Variants in DGKK observed in about 807,000 individuals in gnomAD.
DGKK encodes the protein 142 kDa diacylglycerol kinase.
Under a neutral mutation model 92.2 loss-of-function variants are expected in DGKK, and 35 were observed. That is an observed-to-expected ratio of 0.38 (90% confidence interval 0.29 to 0.50). The LOEUF (loss-of-function observed/expected upper bound fraction) is 0.50, where lower values mean the gene tolerates loss of function less well. Among genes scored for constraint, DGKK ranks in the 20% least tolerant of loss-of-function variants. DGKK has a pLI of 0.92. For synonymous variants in DGKK, 368 were observed against 360.6 expected, an observed-to-expected ratio of 1.02 and a Z score of -0.23; for missense variants, 910 against 992.2, an observed-to-expected ratio of 0.92 and a Z score of 1.11.
chrX:50,447,312 ATG>A (rs782634589), intron 1 of DGKK, among the ~76,000 whole-genome samples: 53 of 38,923 alleles, frequency 1.4e-3, no homozygotes, highest in Non-Finnish European at 2.0e-3. Context: ...GAGAAGTAGT[ATG>A]TGTGTGTGTA....
chrX:50,407,500 AAGAGAG>A (rs782138606), intron 4 of DGKK, among the ~76,000 whole-genome samples: 1 of 108,846 alleles, frequency 9.2e-6, no homozygotes, highest in Non-Finnish European at 1.9e-5. Context: ...AGAAGAAAGA[AAGAGAG>A]AGAGAGAGAG....
intron 1 of DGKK, among the ~76,000 whole-genome samples, chrX:50,446,119 C>T (rs782653749): frequency 9.9e-5 from 11 of 110,957 alleles, no homozygotes; most frequent in Admixed American, 4.8e-4. Flanking sequence ...AGTGGTTTTT[C>T]TAGATTGATT....
At chrX:50,435,544 CT>C (rs1460777270) in intron 1 of DGKK, among the ~76,000 whole-genome samples, 1 of 111,926 alleles carries the variant, frequency 8.9e-6, no homozygotes, top group Non-Finnish European at 1.9e-5. Flanking sequence ...TTGGTTTTTA[CT>C]TTTTCTCAGT....
chrX:50,420,630 A>G lies in DGKK; in HGVS notation c.838-123T>C, dbSNP rs1318781482. 7 of 538,530 alleles carry G rather than the reference A, an allele frequency of 1.3e-5. No homozygotes were observed. The Admixed American group carries it at 1.9e-4, about 14-fold the overall frequency. 44.4% of individuals were successfully genotyped at this position (538,530 alleles called of 1,213,427 possible). A position where few individuals can be genotyped will look rare whatever the true frequency, so the allele number is the denominator to read the frequency against. On this transcript the variant is annotated intron_variant, in intron 3 of 27. Transcript: ENST00000611977. Reference sequence around the variant, plus strand: ...GCACAACATAAGCCACTTCTTGAATATAAGACAGACATTCCCAGAACCACT... The same window carrying G: ...GCACAACATAAGCCACTTCTTGAATGTAAGACAGACATTCCCAGAACCACT...
intron 1 of DGKK, among the ~76,000 whole-genome samples, chrX:50,437,025 T>A (rs1926046092): frequency 9.0e-6 from 1 of 111,540 alleles, no homozygotes; most frequent in Non-Finnish European, 1.9e-5. Context: ...GAAAGTAATA[T>A]GACGCTGGAC....
At chrX:50,379,140 G>A (rs1360092340) in intron 20 of DGKK, among the ~76,000 whole-genome samples, 1 of 111,017 alleles carries the variant, frequency 9.0e-6, no homozygotes, top group Non-Finnish European at 1.9e-5. Context: ...GGTCAACATG[G>A]CGAAACCCTG....
intron 8 of DGKK, among the ~76,000 whole-genome samples, chrX:50,395,770 A>AT (rs199870111): frequency 4.3e-5 from 4 of 93,872 alleles, no homozygotes; most frequent in Admixed American, 3.7e-4. Flanking sequence ...CTATGTTAAC[A>AT]TTTTTTTTTC....
At chrX:50,463,336 C>T (rs1557233602) in intron 1 of DGKK, among the ~76,000 whole-genome samples, 1 of 67,600 alleles carries the variant, frequency 1.5e-5, no homozygotes, top group East Asian at 5.4e-4. Flanking sequence ...TCCCTCTCCT[C>T]CCTTCTCTCC....
intron 25 of DGKK, 105 bp from the exon 26 acceptor site, chrX:50,371,939 G>C (rs931110300): frequency 2.2e-4 from 106 of 481,528 alleles, no homozygotes; most frequent in Non-Finnish European, 3.6e-4. Context: ...GAGACCACAA[G>C]GTGCCAACTT....
At chrX:50,404,273 T>C (rs1354390304) in intron 4 of DGKK, 89 bp from the exon 5 acceptor site, 9 of 1,038,337 alleles carry the variant, frequency 8.7e-6, no homozygotes, top group African/African-American at 1.9e-5. Context: ...AAGTCTAAAA[T>C]GGCCTGCTGT....
chrX:50,469,972 G>A (rs1927012491), intron 1 of DGKK, 62 bp downstream of exon 1: 1 of 1,129,644 alleles, frequency 8.9e-7, no homozygotes, highest in East Asian at 3.1e-5. Context: ...AGTCCCGCGG[G>A]CTCCATAGCC....
rs183398027 is a variant in DGKK at position 50,390,335 on chromosome X, C to A, written c.1919G>T (p.Arg640Leu). 1.7e-6 allele frequency: 2 copies of A among 1,208,162 alleles called. No homozygotes were observed. The highest frequency in any genetic ancestry group is 2.2e-6 in the Non-Finnish European group (2 of 893,560). ...LKGQVEMDVPRFEAAAIQHLE... is the reference protein window; with the variant it reads ...LKGQVEMDVPLFEAAAIQHLE... ...CAGCTGAACAGTAGTTACCTCAAAT[C>A]GTGGTACATCCATTTCAACCTGTCC... is the stretch of plus-strand genomic sequence containing the variant. The change falls in exon 12 of 28, where the codon CGA (arginine) becomes CTA (leucine). Residue 640 changes from arginine (R) to leucine (L), a missense_variant. Transcript: ENST00000611977.
chrX:50,453,397 C>A (rs7885207), intron 1 of DGKK, among the ~76,000 whole-genome samples: 49,744 of 110,062 alleles, frequency 0.45, 9,717 homozygotes, highest in African/African-American at 0.76. Flanking sequence ...ATGGGAAATG[C>A]ATGTGTATAA....
At chrX:50,453,588 A>G (rs1926541196) in intron 1 of DGKK, among the ~76,000 whole-genome samples, 1 of 111,658 alleles carries the variant, frequency 9.0e-6, no homozygotes, top group Admixed American at 9.5e-5. Context: ...CAAAAGTATG[A>G]CAAACAGACA....
intron 8 of DGKK, among the ~76,000 whole-genome samples, chrX:50,400,605 A>G (rs1029262952): frequency 2.7e-5 from 3 of 112,074 alleles, no homozygotes; most frequent in Non-Finnish European, 3.8e-5. Flanking sequence ...CCAGGAATTG[A>G]CAAAGCATCA....
chrX:50,380,105 A>AGAG, intron 18 of DGKK, 28 bp from the exon 19 acceptor site: 4 of 1,098,469 alleles, frequency 3.6e-6, no homozygotes, highest in Non-Finnish European at 5.0e-6. Flanking sequence ...TTAAGAAAGC[A>AGAG]GAGGGTGAAT....
chrX:50,376,712 T>C lies in DGKK; in HGVS notation c.3272+46A>G, dbSNP rs146023643. 2.1e-3 allele frequency: 2,298 copies of C among 1,103,823 alleles called. 30 individuals carry two copies. In the African/African-American group the frequency reaches 0.039, roughly 19 times the overall value. 91.0% of individuals were successfully genotyped at this position (1,103,823 alleles called of 1,213,427 possible). ...GACACAAATTGGCTTCTTCTCCCTATGCCTTCTTAGGATTCTCAGCCCTGT... is the reference window on the plus strand; with the variant it reads ...GACACAAATTGGCTTCTTCTCCCTACGCCTTCTTAGGATTCTCAGCCCTGT... On this transcript the variant is annotated intron_variant, in intron 23 of 27. Coordinates refer to ENST00000611977, the MANE Select transcript of DGKK (RefSeq NM_001013742.4).
chrX:50,392,262 C>G, intron 10 of DGKK, 79 bp downstream of exon 10: 1 of 743,743 alleles, frequency 1.3e-6, no homozygotes, highest in Non-Finnish European at 2.1e-6. Flanking sequence ...AGGGCGAAGA[C>G]TTGGGACTTC....
chrX:50,456,806 T>G (rs1926622523), intron 1 of DGKK, among the ~76,000 whole-genome samples: 1 of 111,134 alleles, frequency 9.0e-6, no homozygotes, highest in Non-Finnish European at 1.9e-5. Context: ...TGGGAAGATA[T>G]GAGGCAGTCC....
Sources: allele counts gnomAD v4.1 joint callset (sites outside exome capture counted in the v4.1 genomes callset), GRCh38; gene constraint gnomAD v4.1.1; transcripts MANE v1.5; gene names NCBI Gene and HGNC (gene_info 2026-07-23, HGNC 2026-07-21).